Variants in ASB5 observed in about 807,000 individuals in gnomAD.
The protein encoded by ASB5 is ankyrin repeat and SOCS box protein 5.
In ASB5, 45 loss-of-function variants were observed where a neutral mutation model predicts 42.1. That is an observed-to-expected ratio of 1.07 (90% CI 0.84 to 1.37). ASB5 has a LOEUF of 1.37. ASB5 is among the 40% of genes most tolerant of loss of function. The pLI, the probability that ASB5 is intolerant of heterozygous loss-of-function variation, is 0.00. For synonymous variants in ASB5, 147 were observed against 150.6 expected (o/e 0.98, Z 0.18); for missense variants, 402 against 399.8 (o/e 1.01, Z -0.05).
intron 5 of ASB5, among the ~76,000 whole-genome samples, chr4:176,219,809 C>G (rs566011354): frequency 5.9e-4 from 89 of 151,236 alleles, no homozygotes; most frequent in African/African-American, 2.1e-3. Flanking sequence ...TCAAGTGATC[C>G]ACTTGCCTAG....
At chr4:176,247,976 GATAGA>G (rs1195694603) in intron 1 of ASB5, among the ~76,000 whole-genome samples, 1 of 152,184 alleles carries the variant, frequency 6.6e-6, no homozygotes, top group Admixed American at 6.5e-5. Context: ...CAGATGGCCT[GATAGA>G]ATAGAAGGCA....
intron 1 of ASB5, among the ~76,000 whole-genome samples, chr4:176,228,089 C>T (rs1753428940): frequency 6.6e-6 from 1 of 152,164 alleles, no homozygotes; most frequent in Non-Finnish European, 1.5e-5. Context: ...GAGGCAAAGG[C>T]TAACTATGAT....
In ASB5 at chr4:176,256,221, G is replaced by A. The variant is rs190691557; in HGVS notation, c.196+12692C>T. 5.3e-5 allele frequency among the ~76,000 whole-genome samples: 8 copies of A among 152,224 alleles called. No homozygotes were observed. In the East Asian group the frequency reaches 1.5e-3, roughly 29 times the overall value. ...GATTCACACCTGCCTACATCACATA[G>A]GAGAAAGCTAGCATCTCAGATCTTG... On this transcript the variant is annotated intron_variant, in intron 1 of 6. Coordinates refer to ENST00000296525, the MANE Select transcript of ASB5 (RefSeq NM_080874.4).
At chr4:176,219,935 C>T (rs1196744801) in intron 5 of ASB5, among the ~76,000 whole-genome samples, 1 of 151,964 alleles carries the variant, frequency 6.6e-6, no homozygotes, top group Non-Finnish European at 1.5e-5. Flanking sequence ...CAGGGGTGTC[C>T]AATCGTTTGG....
chr4:176,220,117 T>C (rs1579310022), intron 5 of ASB5, among the ~76,000 whole-genome samples: 1 of 152,310 alleles, frequency 6.6e-6, no homozygotes, highest in East Asian at 1.9e-4. Flanking sequence ...CTGGGCCGCA[T>C]GGGGCCCACA....
intron 1 of ASB5, among the ~76,000 whole-genome samples, chr4:176,276,780 A>G (rs779033857): frequency 2.8e-4 from 43 of 152,208 alleles, no homozygotes; most frequent in Non-Finnish European, 5.1e-4. Flanking sequence ...CTTGTTGTAT[A>G]TTACCGTAAC....
upstream of ASB5, among the ~76,000 whole-genome samples, chr4:176,273,753 G>GTA (rs1414956721): frequency 7.9e-5 from 12 of 152,260 alleles, 1 homozygote; most frequent in South Asian, 2.1e-4. Context: ...AGCTCTATTC[G>GTA]TATATATATG....
chr4:176,238,404 C>T (rs1209299546), intron 1 of ASB5, among the ~76,000 whole-genome samples: 1 of 152,066 alleles, frequency 6.6e-6, no homozygotes, highest in Non-Finnish European at 1.5e-5. Flanking sequence ...TTAAGTACAG[C>T]TGAGATTTTT....
intron 1 of ASB5, among the ~76,000 whole-genome samples, chr4:176,241,892 A>G (rs1385682314): frequency 6.6e-6 from 1 of 152,130 alleles, no homozygotes; most frequent in African/African-American, 2.4e-5. Context: ...GAAAAAAATC[A>G]TGAACGTGTC....
At chr4:176,260,403 A>T (rs1238448431) in intron 1 of ASB5, among the ~76,000 whole-genome samples, 1 of 152,228 alleles carries the variant, frequency 6.6e-6, no homozygotes, top group Non-Finnish European at 1.5e-5. Context: ...TGAGAAAAAA[A>T]ATCATCTAAT....
chr4:176,240,674 T>C (rs1753791571), intron 1 of ASB5, among the ~76,000 whole-genome samples: 1 of 152,182 alleles, frequency 6.6e-6, no homozygotes, highest in Non-Finnish European at 1.5e-5. Context: ...AAGATCACCT[T>C]CTGACAATTT....
intron 1 of ASB5, among the ~76,000 whole-genome samples, chr4:176,256,330 C>A (rs767903370): frequency 6.6e-6 from 1 of 152,096 alleles, no homozygotes; most frequent in Admixed American, 6.5e-5. Flanking sequence ...GGTCTCATAG[C>A]AAAGAAAGAA....
At chr4:176,232,472 A>G (rs971191577) in intron 1 of ASB5, among the ~76,000 whole-genome samples, 1 of 152,078 alleles carries the variant, frequency 6.6e-6, no homozygotes, top group East Asian at 1.9e-4. Flanking sequence ...TGGATTTACC[A>G]TGAAGCCAGT....
intron 1 of ASB5, among the ~76,000 whole-genome samples, chr4:176,251,860 G>A (rs1048373347): frequency 2.6e-5 from 4 of 151,258 alleles, no homozygotes; most frequent in South Asian, 2.1e-4. Context: ...CCAGGAGTTC[G>A]AGACCACCCT....
Position 176,222,449 on chromosome 4 carries a change from G to A in ASB5, c.277-29C>T, listed in dbSNP as rs751275733. 47 of 1,556,146 alleles carry A rather than the reference G, an allele frequency of 3.0e-5. No individual in the cohort carries two copies. In the South Asian group the frequency reaches 4.2e-4, roughly 14 times the overall value. The stretch of plus-strand genomic sequence containing the variant: ...AATGTGGCATAATTTTGAAAGGTGA[G>A]CAAAGAGTTATATACTTAAAAAATC... On this transcript the variant is annotated intron_variant, in intron 2 of 6. Coordinates refer to ENST00000296525, the MANE Select transcript of ASB5 (RefSeq NM_080874.4).
chr4:176,276,843 A>C (rs1232323944), intron 1 of ASB5, among the ~76,000 whole-genome samples: 1 of 152,218 alleles, frequency 6.6e-6, no homozygotes, highest in African/African-American at 2.4e-5. Flanking sequence ...AAATGAAGAC[A>C]ACAAAAAGTA....
chr4:176,272,121 G>A (rs1331240253), upstream of ASB5, among the ~76,000 whole-genome samples: 1 of 152,128 alleles, frequency 6.6e-6, no homozygotes, highest in Admixed American at 6.5e-5. Flanking sequence ...AAAGAAAGAG[G>A]GGCTAATACT....
intron 6 of ASB5, 129 bp downstream of exon 6, chr4:176,216,689 T>C: frequency 1.2e-6 from 1 of 806,702 alleles, no homozygotes; most frequent in Non-Finnish European, 1.9e-6. Flanking sequence ...AAAAATCATC[T>C]ACTTTCACAA....
chr4:176,258,911 G>A lies in ASB5; in HGVS notation c.196+10002C>T, dbSNP rs183000337. Among the ~76,000 whole-genome samples the A allele has an allele frequency of 1.6e-4, 25 of 152,214 alleles. 1 individual carries two copies. The highest frequency in any genetic ancestry group is 6.0e-4 in the African/African-American group (25 of 41,510). ...AAACTGATTTCTTTTCACATTCTTG[G>A]AATGTCACACCAATTAGATATGCAA... On this transcript the variant is annotated intron_variant, in intron 1 of 6. Transcript: ENST00000296525.
Sources: allele counts gnomAD v4.1 joint callset (sites outside exome capture counted in the v4.1 genomes callset), GRCh38; gene constraint gnomAD v4.1.1; transcripts MANE v1.5; gene names NCBI Gene and HGNC (gene_info 2026-07-23, HGNC 2026-07-21).